Variants in TAFA1 observed in about 807,000 individuals in gnomAD.
The protein encoded by TAFA1 is TAFA chemokine like family member 1.
TAFA1 carries 4 observed loss-of-function variants against 18.5 expected under a neutral mutation model. That is an observed-to-expected ratio of 0.22 (90% CI 0.11 to 0.49). The LOEUF is 0.49. Among genes scored for constraint, TAFA1 ranks in the 20% least tolerant of loss-of-function variants. The pLI is 0.98. For synonymous variants in TAFA1, 56 were observed against 55.2 expected (o/e 1.01, Z -0.06); for missense variants, 147 against 169.0 (o/e 0.87, Z 0.72).
At chr3:68,305,393 A>ATATATGAC (rs1212929779) in intron 2 of TAFA1, among the ~76,000 whole-genome samples, 8 of 127,014 alleles carry the variant, frequency 6.3e-5, no homozygotes, top group African/African-American at 6.2e-5. Flanking sequence ...ATATATGACT[A>ATATATGAC]TATATGACTA....
chr3:68,168,667 GTGTTGCT>G (rs1184225586), intron 2 of TAFA1, among the ~76,000 whole-genome samples: 1 of 152,194 alleles, frequency 6.6e-6, no homozygotes, highest in Non-Finnish European at 1.5e-5. Flanking sequence ...TTTTGGAGTT[GTGTTGCT>G]TGCCATGAGG....
At chr3:68,306,171 G>C (rs1370677120) in intron 2 of TAFA1, among the ~76,000 whole-genome samples, 1 of 152,204 alleles carries the variant, frequency 6.6e-6, no homozygotes, top group East Asian at 1.9e-4. Context: ...GAGAATACTA[G>C]AGTTGGTTAA....
chr3:68,027,315 G>C (rs1014635321), intron 2 of TAFA1, among the ~76,000 whole-genome samples: 1 of 152,146 alleles, frequency 6.6e-6, no homozygotes, highest in African/African-American at 2.4e-5. Flanking sequence ...GAATCCTGAG[G>C]ACACTGGGGC....
intron 2 of TAFA1, among the ~76,000 whole-genome samples, chr3:68,266,430 A>G (rs2067547892): frequency 6.6e-6 from 1 of 152,050 alleles, no homozygotes; most frequent in African/African-American, 2.4e-5. Context: ...TCCTAAGTAA[A>G]TCTCTGACAC....
At chr3:68,288,627 C>T (rs1415347084) in intron 2 of TAFA1, among the ~76,000 whole-genome samples, 1 of 152,188 alleles carries the variant, frequency 6.6e-6, no homozygotes, top group Non-Finnish European at 1.5e-5. Context: ...GTCTCTCTGT[C>T]CTGTTTCCAA....
intron 3 of TAFA1, among the ~76,000 whole-genome samples, chr3:68,532,699 C>A (rs558454762): frequency 3.0e-4 from 45 of 152,122 alleles, no homozygotes; most frequent in African/African-American, 1.1e-3. Context: ...GATATTAGCT[C>A]ATTTTATTAA....
intron 2 of TAFA1, among the ~76,000 whole-genome samples, chr3:68,287,534 A>G (rs758038232): frequency 9.9e-5 from 15 of 152,068 alleles, no homozygotes; most frequent in Non-Finnish European, 1.6e-4. Context: ...TCTGTCCCTT[A>G]AAGTCCAGAA....
chr3:68,019,200 T>C (rs918420741), intron 2 of TAFA1, among the ~76,000 whole-genome samples: 2 of 152,236 alleles, frequency 1.3e-5, no homozygotes, highest in African/African-American at 4.8e-5. Context: ...TTGTATATCA[T>C]GTAATAGTTT....
At chr3:68,120,147 T>C (rs1475079068) in intron 2 of TAFA1, among the ~76,000 whole-genome samples, 1 of 150,002 alleles carries the variant, frequency 6.7e-6, no homozygotes, top group Non-Finnish European at 1.5e-5. Context: ...ATATTTCATT[T>C]TCTTTCTTTC....
chr3:68,222,416 A>G (rs937285706), intron 2 of TAFA1, among the ~76,000 whole-genome samples: 1 of 152,220 alleles, frequency 6.6e-6, no homozygotes, highest in African/African-American at 2.4e-5. Flanking sequence ...TCTGAGTTGT[A>G]TGAAGAGTGA....
chr3:68,346,088 A>C (rs1246507287), intron 2 of TAFA1, among the ~76,000 whole-genome samples: 1 of 152,160 alleles, frequency 6.6e-6, no homozygotes, highest in Non-Finnish European at 1.5e-5. Context: ...AGAAGCCAAA[A>C]TATTTAGAAG....
At chr3:68,399,669 T>C (rs1365379286) in intron 2 of TAFA1, among the ~76,000 whole-genome samples, 1 of 152,212 alleles carries the variant, frequency 6.6e-6, no homozygotes, top group East Asian at 1.9e-4. Context: ...TAAAAACGAC[T>C]ACCCACTTTG....
At chr3:68,337,283 G>C (rs1248998369) in intron 2 of TAFA1, among the ~76,000 whole-genome samples, 2 of 152,094 alleles carry the variant, frequency 1.3e-5, no homozygotes. Context: ...GGAGCAGGAG[G>C]AAGAGAGAGA....
At chr3:68,295,677 A>T (rs1288890286) in intron 2 of TAFA1, among the ~76,000 whole-genome samples, 1 of 152,086 alleles carries the variant, frequency 6.6e-6, no homozygotes, top group Admixed American at 6.6e-5. Context: ...TGTCGTCATA[A>T]CTCACTGCAG....
intron 2 of TAFA1, among the ~76,000 whole-genome samples, chr3:68,173,769 T>C (rs2066088665): frequency 6.6e-6 from 1 of 152,192 alleles, no homozygotes; most frequent in Non-Finnish European, 1.5e-5. Context: ...CCTTCCTTTA[T>C]AGTGTTTTTA....
intron 2 of TAFA1, among the ~76,000 whole-genome samples, chr3:68,084,812 A>C (rs1190289350): frequency 1.3e-5 from 2 of 151,224 alleles, no homozygotes; most frequent in African/African-American, 4.9e-5. Flanking sequence ...AAAAAAAAAA[A>C]CCAAAAAAAC....
chr3:68,272,844 C>A (rs963680030), intron 2 of TAFA1, among the ~76,000 whole-genome samples: 1 of 152,146 alleles, frequency 6.6e-6, no homozygotes, highest in African/African-American at 2.4e-5. Context: ...AATTGCATTT[C>A]TTTTAATACC....
rs955520448 is a variant in TAFA1, at chr3:68,030,627, G to T, written c.118+23883G>T. 1.6e-4 allele frequency among the ~76,000 whole-genome samples: 24 copies of T among 152,168 alleles called. 2 individuals are homozygous for T. The highest frequency in any genetic ancestry group is 1.0e-3 in the Admixed American group (16 of 15,274). On this transcript the variant is annotated intron_variant, in intron 2 of 4. Transcript: ENST00000478136. ...TTTTATGGCTGCATAGTATTCCATG[G>T]TGTATATGTACCACATTTTCTTTAC...
At chr3:68,225,487 G>A (rs778846652) in intron 2 of TAFA1, among the ~76,000 whole-genome samples, 8 of 152,144 alleles carry the variant, frequency 5.3e-5, no homozygotes, top group Non-Finnish European at 1.0e-4. Flanking sequence ...AGGAAGGCCA[G>A]CTGGCAACCT....
Sources: allele counts gnomAD v4.1 joint callset (sites outside exome capture counted in the v4.1 genomes callset), GRCh38; gene constraint gnomAD v4.1.1; transcripts MANE v1.5; gene names NCBI Gene and HGNC (gene_info 2026-07-23, HGNC 2026-07-21).